ABCC11: variants seen among roughly 807,000 people sequenced by gnomAD.
ABCC11 encodes ATP-binding cassette sub-family C member 11.
Under a neutral mutation model 149.3 loss-of-function variants are expected in ABCC11, and 135 were observed. The observed-to-expected ratio is 0.90, with a 90% CI of 0.79 to 1.04. The LOEUF is 1.04. Among genes scored for constraint, ABCC11 ranks in the 50% least tolerant of loss-of-function variants. The pLI is 0.00. For synonymous variants in ABCC11, 665 were observed against 671.4 expected, an observed-to-expected ratio of 0.99 and a Z score of 0.15; for missense variants, 1,680 against 1,722.1, an observed-to-expected ratio of 0.98 and a Z score of 0.43.
chr16:48,194,026 G>T, intron 18 of ABCC11, 44 bp from the exon 19 acceptor site: 2 of 1,437,694 alleles, frequency 1.4e-6, no homozygotes, highest in South Asian at 1.2e-5. Context: ...ACAAACAGGT[G>T]CGAGGCAACT....
Position 48,200,291 on chromosome 16 carries a change from C to G in ABCC11, c.2067G>C (p.Val689=). The change falls in exon 15 of 30, where the codon GTG becomes GTC. Residue 689 remains valine (V), a synonymous_variant. Coordinates refer to ENST00000356608, the MANE Select transcript of ABCC11 (RefSeq NM_001370497.1). The part of the protein sequence containing the change: ...KTLRGKTVVL[V]THQLQYLEFC... Reference sequence around the variant, plus strand: ...GGGTGCTAACCTGCAGCTGGTGGGTCACCAGGACGACCGTCTTCCCCCTGA... The same window carrying G: ...GGGTGCTAACCTGCAGCTGGTGGGTGACCAGGACGACCGTCTTCCCCCTGA... 6.2e-7 allele frequency: 1 copy of G among 1,614,050 alleles called. No homozygotes were observed. Among genetic ancestry groups the G allele is most frequent in the Non-Finnish European group, 8.5e-7 (1 of 1,179,932 alleles).
chr16:48,186,754 T>G (rs557121565), intron 22 of ABCC11, among the ~76,000 whole-genome samples, 199 bp downstream of exon 22: 1 of 152,350 alleles, frequency 6.6e-6, no homozygotes, highest in South Asian at 2.1e-4. Context: ...ACAAACATTT[T>G]TCCTATCATT....
Position 48,166,721 on chromosome 16 carries a change from C to A in ABCC11, c.*553G>T, listed in dbSNP as rs989945927. ...CTCTACTAAAAATACAAAAATTAGC[C>A]AGTCATGGTGGCACATGCTTGTAAT... On this transcript the variant is annotated 3_prime_UTR_variant, in exon 30 of 30. Transcript: ENST00000356608. 1.1e-4 allele frequency among the ~76,000 whole-genome samples: 16 copies of A among 152,256 alleles called. No individual in the cohort carries two copies. The East Asian group carries it at 2.3e-3, about 22-fold the overall frequency.
intron 25 of ABCC11, among the ~76,000 whole-genome samples, chr16:48,175,805 C>CA (rs1364040143): frequency 1.3e-5 from 2 of 151,778 alleles, no homozygotes; most frequent in Non-Finnish European, 2.9e-5. Context: ...ATATCCCCCC[C>CA]AGGCAACAGC....
Position 48,224,276 on chromosome 16 carries a change from A to C in ABCC11, c.543+6T>G. 4 of 1,613,712 alleles carry C rather than the reference A, an allele frequency of 2.5e-6. No homozygotes were observed. The highest frequency in any genetic ancestry group is 2.5e-6 in the Non-Finnish European group (3 of 1,179,896). On this transcript the variant is annotated splice_donor_region_variant and intron_variant, in intron 5 of 29. Transcript: ENST00000356608. The stretch of plus-strand genomic sequence containing the variant: ...TCCCCCAAACCTCACCAAGTCTGCC[A>C]CTTACTGGCCCGAGTACACTGGCAA...
At chr16:48,241,030 G>C (rs999946807) in intron 1 of ABCC11, among the ~76,000 whole-genome samples, 6 of 152,010 alleles carry the variant, frequency 3.9e-5, no homozygotes, top group Non-Finnish European at 8.8e-5. Context: ...TGCCTCCTGG[G>C]TTTAAGCAAT....
At chr16:48,242,895 G>C (rs1036822143) in intron 1 of ABCC11, among the ~76,000 whole-genome samples, 2 of 151,374 alleles carry the variant, frequency 1.3e-5, no homozygotes, top group African/African-American at 4.9e-5. Flanking sequence ...GGGGCCTGTC[G>C]TTGGGTGGTG....
rs1965375633 is a variant in ABCC11 at position 48,167,119 on chromosome 16, T to C, written c.*155A>G. On this transcript the variant is annotated 3_prime_UTR_variant, in exon 30 of 30. Transcript: ENST00000356608. ...CCATCAAGTAGCCTATTCCAGGGTT[T>C]CCATCCAGCAATCCCCACCCCCCCT... 3.2e-6 allele frequency: 2 copies of C among 631,898 alleles called. No individual in the cohort carries two copies. Among genetic ancestry groups the C allele is most frequent in the Non-Finnish European group, 5.7e-6 (2 of 348,122 alleles). The allele number at this position is 631,898 out of a possible 1,614,324, so 39.1% of individuals were successfully genotyped here.
chr16:48,168,176 A>T (rs937308076), intron 28 of ABCC11, among the ~76,000 whole-genome samples: 8 of 152,212 alleles, frequency 5.3e-5, no homozygotes, highest in Admixed American at 1.3e-4. Context: ...GTTTTTGAAA[A>T]GGGAGTATCA....
rs1260689754 is a variant in ABCC11, at chr16:48,187,224, C to G, written c.2910G>C (p.Met970Ile). 1 of 1,613,962 alleles carries G rather than the reference C, an allele frequency of 6.2e-7. No individual in the cohort carries two copies. Among genetic ancestry groups the G allele is most frequent in the East Asian group, 2.2e-5 (1 of 44,890 alleles). The change falls in exon 21 of 30, where the codon ATG (methionine) becomes ATC (isoleucine). Residue 970 changes from methionine to isoleucine, a missense_variant. By Grantham distance (10) the Met-to-Ile change is conservative. Coordinates refer to ENST00000356608, the MANE Select transcript of ABCC11 (RefSeq NM_001370497.1). ...ACATATAATAAATGAAGCAAATAAC[C>G]ATGATTATGGCTCCCATTAACAGGA... ...PYILLMGAII[M>I]VICFIYYMMF... is the part of the protein sequence containing the mutation.
intron 20 of ABCC11, among the ~76,000 whole-genome samples, chr16:48,192,301 A>G (rs1337641880): frequency 1.3e-5 from 2 of 152,058 alleles, no homozygotes; most frequent in Non-Finnish European, 2.9e-5. Context: ...AAAATTAGTC[A>G]GATCTAGTGG....
At chr16:48,167,843 T>G (rs1455697425) in intron 28 of ABCC11, among the ~76,000 whole-genome samples, 183 bp from the exon 29 acceptor site, 1 of 152,204 alleles carries the variant, frequency 6.6e-6, no homozygotes, top group Non-Finnish European at 1.5e-5. Flanking sequence ...CATTACCTTA[T>G]GAAGAGAACG....
chr16:48,177,445 G>A (rs530703848), intron 24 of ABCC11, among the ~76,000 whole-genome samples: 4 of 152,262 alleles, frequency 2.6e-5, no homozygotes, highest in Non-Finnish European at 5.9e-5. Flanking sequence ...CTTCGGGGGG[G>A]TTCATAGCTC....
At chr16:48,185,324 G>T (rs140245732) in intron 22 of ABCC11, among the ~76,000 whole-genome samples, 46 of 152,270 alleles carry the variant, frequency 3.0e-4, no homozygotes, top group Admixed American at 7.8e-4. Flanking sequence ...TTTAGCAATT[G>T]TTAGTATTTT....
chr16:48,178,450 T>C (rs1966224680), intron 24 of ABCC11, 147 bp downstream of exon 24: 2 of 680,044 alleles, frequency 2.9e-6, no homozygotes, highest in South Asian at 2.0e-5. Flanking sequence ...TCAACAAAAG[T>C]CTGGGGAAGA....
chr16:48,167,443 G>T, intron 29 of ABCC11, 53 bp downstream of exon 29: 1 of 1,610,536 alleles, frequency 6.2e-7, no homozygotes, highest in Non-Finnish European at 8.5e-7. Flanking sequence ...AAGGCATCTG[G>T]GGTAGCAGCC....
intron 26 of ABCC11, among the ~76,000 whole-genome samples, chr16:48,171,554 G>C (rs1037423951): frequency 6.6e-5 from 10 of 152,226 alleles, no homozygotes; most frequent in Non-Finnish European, 1.5e-4. Flanking sequence ...TTGTTTTATT[G>C]TGTGATAGAA....
At chr16:48,206,947 A>G (rs1022620558) in intron 12 of ABCC11, among the ~76,000 whole-genome samples, 6 of 152,050 alleles carry the variant, frequency 3.9e-5, no homozygotes, top group African/African-American at 1.2e-4. Flanking sequence ...TAGTTTTACA[A>G]TTTTTTTTAA....
Position 48,222,822 on chromosome 16 carries a change from T to C in ABCC11, c.553A>G (p.Ile185Val). ...IASVLGPILI[I>V]PKILEYSEEQ... The stretch of plus-strand genomic sequence containing the variant: ...TCTGAATATTCCAGGATCTTTGGTA[T>C]AATCAATATCTACAAGGAAATGGGA... The change falls in exon 6 of 30, where the codon ATA becomes GTA. Residue 185 changes from isoleucine (I) to valine (V), a missense_variant. Coordinates refer to ENST00000356608, the MANE Select transcript of ABCC11 (RefSeq NM_001370497.1). The C allele has an allele frequency of 1.2e-6, 2 of 1,612,148 alleles. No homozygotes were observed. The highest frequency in any genetic ancestry group is 3.3e-5 in the Admixed American group (2 of 60,022).
Sources: gnomAD v4.1 joint callset for allele counts (sites outside exome capture counted in the v4.1 genomes callset) on GRCh38, gnomAD v4.1.1 for gene constraint, MANE v1.5 for transcripts, NCBI Gene and HGNC (gene_info 2026-07-23, HGNC 2026-07-21) for gene names.